Variants in MAGI1 observed in about 807,000 individuals in gnomAD.
MAGI1 encodes membrane associated guanylate kinase, WW and PDZ domain containing 1.
MAGI1 carries 58 observed loss-of-function variants against 139.9 expected under a neutral mutation model. The observed-to-expected ratio is 0.41, with a 90% CI of 0.34 to 0.52. MAGI1 has a LOEUF of 0.52. Ranked by LOEUF, MAGI1 falls within the 20% of genes least tolerant of loss-of-function variation. The pLI, the probability that MAGI1 is intolerant of heterozygous loss-of-function variation, is 0.12. For missense variants in MAGI1, 1,874 were observed against 1,901.6 expected, an observed-to-expected ratio of 0.99 and a Z score of 0.27; for synonymous variants, 812 against 737.9, an observed-to-expected ratio of 1.10 and a Z score of -1.63.
chr3:65,462,345 A>C (rs911296008), intron 5 of MAGI1, among the ~76,000 whole-genome samples: 1 of 152,232 alleles, frequency 6.6e-6, no homozygotes, highest in African/African-American at 2.4e-5. Flanking sequence ...ATGGCTAGCC[A>C]GTTTTTCCAA....
chr3:65,606,577 G>T (rs967321890), intron 2 of MAGI1, among the ~76,000 whole-genome samples: 2 of 152,104 alleles, frequency 1.3e-5, no homozygotes, highest in African/African-American at 4.8e-5. Context: ...GAGTATAGTG[G>T]CATGATCTTT....
intron 2 of MAGI1, among the ~76,000 whole-genome samples, chr3:65,503,953 T>C (rs1280168180): frequency 6.6e-6 from 1 of 152,126 alleles, no homozygotes; most frequent in East Asian, 1.9e-4. Context: ...TGTAAACATG[T>C]TACCTTTCAA....
intron 7 of MAGI1, among the ~76,000 whole-genome samples, chr3:65,443,729 C>G (rs1279889511): frequency 6.6e-6 from 1 of 152,038 alleles, no homozygotes. Context: ...AACAGTTATT[C>G]AACTTAATTT....
intron 1 of MAGI1, among the ~76,000 whole-genome samples, chr3:66,028,789 A>G (rs941957803): frequency 3.9e-5 from 6 of 152,062 alleles, no homozygotes; most frequent in African/African-American, 1.4e-4. Flanking sequence ...GTCTGAACTA[A>G]TCCAGTCTCA....
chr3:65,940,679 T>C (rs2063271095), intron 1 of MAGI1, among the ~76,000 whole-genome samples: 1 of 152,244 alleles, frequency 6.6e-6, no homozygotes, highest in Non-Finnish European at 1.5e-5. Context: ...CTACTGAGAT[T>C]GTTTCCTCAG....
Position 65,551,426 on chromosome 3 carries a change from G to A in MAGI1, c.431-57795C>T, listed in dbSNP as rs546539681. Among the ~76,000 whole-genome samples, 68 of 152,188 alleles carry A rather than the reference G, an allele frequency of 4.5e-4. No individual in the cohort carries two copies. The Middle Eastern group carries it at 0.01, about 23-fold the overall frequency. ...AGCGATTCTCACGCCTCAGCTCCCC[G>A]AGTGGCTGGGATTACAGGCACGCAC... On this transcript the variant is annotated intron_variant, in intron 2 of 22. Transcript: ENST00000402939.
chr3:65,455,247 A>T (rs1949314546), intron 5 of MAGI1, among the ~76,000 whole-genome samples: 1 of 152,240 alleles, frequency 6.6e-6, no homozygotes, highest in South Asian at 2.1e-4. Flanking sequence ...CAACTAGGAT[A>T]CTGATACTGA....
At chr3:65,391,828 T>G (rs1167328546) in intron 13 of MAGI1, among the ~76,000 whole-genome samples, 1 of 152,150 alleles carries the variant, frequency 6.6e-6, no homozygotes, top group Non-Finnish European at 1.5e-5. Context: ...AAATACCCAA[T>G]TCCTCTCTAA....
intron 2 of MAGI1, among the ~76,000 whole-genome samples, chr3:65,517,746 C>T (rs1371360778): frequency 6.6e-6 from 1 of 152,072 alleles, no homozygotes; most frequent in Non-Finnish European, 1.5e-5. Flanking sequence ...CTCCTCTGAG[C>T]CTCGAGACTC....
At chr3:65,633,665 T>G (rs929656927) in intron 1 of MAGI1, among the ~76,000 whole-genome samples, 1 of 152,230 alleles carries the variant, frequency 6.6e-6, no homozygotes, top group Non-Finnish European at 1.5e-5. Flanking sequence ...CTTGATTTTT[T>G]CATTATTTAC....
intron 1 of MAGI1, among the ~76,000 whole-genome samples, chr3:65,726,682 T>C (rs542437430): frequency 2.3e-4 from 35 of 152,250 alleles, no homozygotes; most frequent in African/African-American, 8.2e-4. Flanking sequence ...ACAAGTGTGC[T>C]ATAAAGCACA....
chr3:65,543,322 C>T lies in MAGI1; in HGVS notation c.431-49691G>A, dbSNP rs146456227. Among the ~76,000 whole-genome samples, 1,294 of 152,230 alleles carry T rather than the reference C, an allele frequency of 8.5e-3. 19 individuals are homozygous for T. Among genetic ancestry groups the T allele is most frequent in the African/African-American group, 0.03 (1,230 of 41,528 alleles). On this transcript the variant is annotated intron_variant, in intron 2 of 22. Transcript: ENST00000402939. ...TTGGTGGGAGTCTAAATTAGTTCAA[C>T]CATTGTGGAAGACAGTGTGGCAATT...
At chr3:65,412,033 T>C (rs1271572560) in intron 12 of MAGI1, among the ~76,000 whole-genome samples, 2 of 152,178 alleles carry the variant, frequency 1.3e-5, no homozygotes, top group Non-Finnish European at 2.9e-5. Context: ...GAAATCAGAT[T>C]GTACTGTCTC....
intron 2 of MAGI1, among the ~76,000 whole-genome samples, chr3:65,499,508 G>A (rs1277335777): frequency 6.6e-6 from 1 of 152,090 alleles, no homozygotes; most frequent in Non-Finnish European, 1.5e-5. Flanking sequence ...AATTAGCCAG[G>A]CATGGTGGCA....
At chr3:65,476,916 T>C (rs1950923545) in intron 4 of MAGI1, among the ~76,000 whole-genome samples, 1 of 152,182 alleles carries the variant, frequency 6.6e-6, no homozygotes, top group African/African-American at 2.4e-5. Flanking sequence ...GGTGGCAAAT[T>C]TCTTCTAGAT....
intron 1 of MAGI1, among the ~76,000 whole-genome samples, chr3:65,749,495 A>G (rs1378582618): frequency 6.6e-6 from 1 of 152,086 alleles, no homozygotes; most frequent in Non-Finnish European, 1.5e-5. Context: ...TATAAGAATG[A>G]CACAATGGAC....
chr3:65,411,514 A>G (rs1053928426), intron 12 of MAGI1, among the ~76,000 whole-genome samples: 1 of 152,138 alleles, frequency 6.6e-6, no homozygotes, highest in Non-Finnish European at 1.5e-5. Context: ...ATGAAACAAT[A>G]GCTCAAAATA....
At chr3:65,580,263 A>G (rs557047956) in intron 2 of MAGI1, among the ~76,000 whole-genome samples, 1 of 152,222 alleles carries the variant, frequency 6.6e-6, no homozygotes, top group Non-Finnish European at 1.5e-5. Context: ...CTAATTTGAG[A>G]TGAGACTATA....
At chr3:65,433,597 G>T (rs1947620254) in intron 10 of MAGI1, among the ~76,000 whole-genome samples, 1 of 152,114 alleles carries the variant, frequency 6.6e-6, no homozygotes, top group Non-Finnish European at 1.5e-5. Context: ...AATTTTCTAA[G>T]ATCCTAACCT....
Sources: gnomAD v4.1 joint callset for allele counts (sites outside exome capture counted in the v4.1 genomes callset) on GRCh38, gnomAD v4.1.1 for gene constraint, MANE v1.5 for transcripts, NCBI Gene and HGNC (gene_info 2026-07-23, HGNC 2026-07-21) for gene names.